KRT80: variants seen among roughly 807,000 people sequenced by gnomAD.
KRT80 encodes keratin 80.
In KRT80, 36 loss-of-function variants were observed where a neutral mutation model predicts 51.5. The ratio of observed to expected loss-of-function variants is 0.70; its 90% CI spans 0.54 to 0.92. KRT80 has a LOEUF of 0.92. Among genes scored for constraint, KRT80 ranks in the 40% least tolerant of loss-of-function variants. The probability of loss-of-function intolerance (pLI) is 0.00; values close to 1 mark genes in which losing one functional copy is unlikely to be tolerated. For missense variants in KRT80, 566 were observed against 591.7 expected, an observed-to-expected ratio of 0.96 and a Z score of 0.45; for synonymous variants, 235 against 248.3, an observed-to-expected ratio of 0.95 and a Z score of 0.50.
intron 1 of KRT80, among the ~76,000 whole-genome samples, chr12:52,188,405 C>T (rs1276494212): frequency 6.6e-6 from 1 of 152,188 alleles, no homozygotes; most frequent in Non-Finnish European, 1.5e-5. Context: ...TGGGGGAAAC[C>T]GAGCAGCCTA....
At chr12:52,178,682 G>T (rs181834371) in intron 4 of KRT80, among the ~76,000 whole-genome samples, 9 of 152,326 alleles carry the variant, frequency 5.9e-5, no homozygotes, top group Admixed American at 4.6e-4. Context: ...CTTGAGAGAA[G>T]GGACCTTGCC....
chr12:52,175,536 G>A (rs1014320527), intron 4 of KRT80, among the ~76,000 whole-genome samples: 18 of 152,054 alleles, frequency 1.2e-4, no homozygotes, highest in Admixed American at 1.3e-4. Context: ...AGCTGTAGAC[G>A]ACAGGGATGA....
Position 52,173,714 on chromosome 12 carries a change from G to C in KRT80, c.717C>G (p.Gly239=). 1.9e-6 allele frequency: 3 copies of C among 1,612,432 alleles called. No homozygotes were observed. Among genetic ancestry groups the C allele is most frequent in the Non-Finnish European group, 2.5e-6 (3 of 1,180,010 alleles). The change falls in exon 5 of 9, where the codon GGC becomes GGG. Residue 239 remains glycine (G), a synonymous_variant. Transcript: ENST00000394815. Reference sequence around the variant, plus strand: ...GGTCGATGTGGCAGCGGCTGTCCATGCCGACGGTCACCGACACATCCTTCA... The same window carrying C: ...GGTCGATGTGGCAGCGGCTGTCCATCCCGACGGTCACCGACACATCCTTCA... ...AQVKDVSVTV[G]MDSRCHIDLS...
intron 1 of KRT80, among the ~76,000 whole-genome samples, chr12:52,188,267 T>C (rs1213802432): frequency 6.6e-6 from 1 of 152,156 alleles, no homozygotes; most frequent in African/African-American, 2.4e-5. Context: ...TGCCTGGCCC[T>C]CTGCCCTTAG....
chr12:52,183,779 T>C (rs1028311127), intron 2 of KRT80, among the ~76,000 whole-genome samples: 3 of 152,068 alleles, frequency 2.0e-5, no homozygotes, highest in Non-Finnish European at 4.4e-5. Context: ...CTGGCTGGGG[T>C]TAGGGATGGG....
At position 52,169,382 on chromosome 12, in the gene KRT80, AC is replaced by A; in HGVS notation, c.*2015del. ...GGTGAGACAGGAGAACTTTGTGTGTACCAGCTGCACTGGTCTGAAGATATAA... is the reference window on the plus strand; with the variant it reads ...GGTGAGACAGGAGAACTTTGTGTGTACAGCTGCACTGGTCTGAAGATATAA... On this transcript the variant is annotated 3_prime_UTR_variant, in exon 9 of 9. Coordinates refer to ENST00000394815, the MANE Select transcript of KRT80 (RefSeq NM_182507.3). 1 of 152,398 alleles carries A rather than the reference AC, an allele frequency of 6.6e-6. No homozygotes were observed. The highest frequency in any genetic ancestry group is 1.9e-4 in the East Asian group (1 of 5,180). The allele number at this position is 152,398 out of a possible 1,614,324, so 9.4% of individuals were successfully genotyped here.
chr12:52,191,888 G>T lies in KRT80; in HGVS notation c.15C>A (p.Ser5=). Reference sequence around the variant, plus strand: ...TGAGGCTGCTGAAGCCAACCACGCAGGAGCGGCAGGCCATGGTGCCCCCGG... The same window carrying T: ...TGAGGCTGCTGAAGCCAACCACGCATGAGCGGCAGGCCATGGTGCCCCCGG... MACR[S]CVVGFSSLSS... is the part of the protein sequence containing the mutation. Residue 5 remains serine (S), a synonymous_variant, in exon 1 of 9, where the codon TCC becomes TCA. Coordinates refer to ENST00000394815, the MANE Select transcript of KRT80 (RefSeq NM_182507.3). The T allele has an allele frequency of 6.7e-7, 1 of 1,486,854 alleles. No homozygotes were observed. The highest frequency in any genetic ancestry group is 2.4e-5 in the East Asian group (1 of 41,078). The allele number at this position is 1,486,854 out of a possible 1,614,324, so 92.1% of individuals were successfully genotyped here.
At chr12:52,177,367 C>T (rs779370924) in intron 4 of KRT80, among the ~76,000 whole-genome samples, 1 of 152,154 alleles carries the variant, frequency 6.6e-6, no homozygotes, top group Admixed American at 6.5e-5. Flanking sequence ...CGAGGTGTGC[C>T]TGGCTGCAGG....
chr12:52,185,278 G>T (rs1218318675), intron 2 of KRT80, 101 bp downstream of exon 2: 4 of 1,163,322 alleles, frequency 3.4e-6, no homozygotes, highest in African/African-American at 1.5e-5. Flanking sequence ...AAATGTTGCA[G>T]AACATCTTTC....
rs541290615 is a variant in KRT80, at chr12:52,183,041, G to A, written c.510-2078C>T. Among the ~76,000 whole-genome samples the A allele has an allele frequency of 1.6e-4, 25 of 152,296 alleles. No individual in the cohort carries two copies. In the South Asian group the frequency reaches 1.9e-3, roughly 11 times the overall value. On this transcript the variant is annotated intron_variant, in intron 2 of 8. Transcript: ENST00000394815. ...GTTTGGATTTCAGTCCCTATCCACC[G>A]CCTGAATCATGCACACTTGTGCAGC...
intron 6 of KRT80, 131 bp from the exon 7 acceptor site, chr12:52,172,549 T>TGTGG (rs1176790251): frequency 9.0e-6 from 7 of 777,274 alleles, no homozygotes; most frequent in Non-Finnish European, 1.4e-5. Context: ...CATTTCTGGG[T>TGTGG]GTGGTAACTG....
intron 1 of KRT80, among the ~76,000 whole-genome samples, chr12:52,188,038 CCT>C (rs1278994184): frequency 6.6e-6 from 1 of 151,904 alleles, no homozygotes; most frequent in African/African-American, 2.4e-5. Flanking sequence ...GGGACAGCCC[CCT>C]GTTTTCTGCT....
At chr12:52,175,028 C>T (rs1463169863) in intron 4 of KRT80, among the ~76,000 whole-genome samples, 1 of 152,176 alleles carries the variant, frequency 6.6e-6, no homozygotes, top group African/African-American at 2.4e-5. Flanking sequence ...GCAGACACAT[C>T]ATGCTCCTTC....
At position 52,173,057 on chromosome 12, in the gene KRT80, A is replaced by T. The variant is rs1941142619; in HGVS notation, c.938T>A (p.Ile313Asn). The part of the protein sequence containing the change: ...NVRIQKLRSQ[I>N]LSVKSHCLKL... ...ACTCACATGGCTCTTGACAGAGAGG[A>T]TCTGGGACCGCAGCTTCTGGATGCG... is the stretch of plus-strand genomic sequence containing the variant. Residue 313 changes from isoleucine (I) to asparagine (N), a missense_variant, in exon 6 of 9, where the codon ATC becomes AAC. Ile to Asn is a moderately radical substitution (Grantham distance 149). Transcript: ENST00000394815. The T allele has an allele frequency of 1.9e-6, 3 of 1,612,028 alleles. 1 individual carries two copies. In the African/African-American group the frequency reaches 4.0e-5, roughly 22 times the overall value.
At chr12:52,181,356 A>G (rs1592362861) in intron 2 of KRT80, among the ~76,000 whole-genome samples, 1 of 152,070 alleles carries the variant, frequency 6.6e-6, no homozygotes, top group East Asian at 1.9e-4. Context: ...CGCTGGGAGC[A>G]TCTTGCTCAC....
In KRT80 at chr12:52,191,093, C is replaced by A. The variant is rs185829430; in HGVS notation, c.300+510G>T. On this transcript the variant is annotated intron_variant, in intron 1 of 8. Coordinates refer to ENST00000394815, the MANE Select transcript of KRT80 (RefSeq NM_182507.3). ...TCACTTGCAGCAGTCTGGGCAGCAA[C>A]CTCCTTCCAGCAGCCCCGCACTCAC... 1.7e-3 allele frequency among the ~76,000 whole-genome samples: 259 copies of A among 152,316 alleles called. 2 individuals are homozygous for A. Among genetic ancestry groups the A allele is most frequent in the Non-Finnish European group, 3.0e-3 (203 of 68,020 alleles).
At chr12:52,180,752 G>T (rs1941305767) in intron 3 of KRT80, 144 bp from the exon 4 acceptor site, 1 of 1,587,470 alleles carries the variant, frequency 6.3e-7, no homozygotes, top group Non-Finnish European at 8.6e-7. Context: ...GAGCTGGATG[G>T]GGATGGGGGT....
chr12:52,181,640 G>T (rs974264764), intron 2 of KRT80, among the ~76,000 whole-genome samples: 1 of 152,194 alleles, frequency 6.6e-6, no homozygotes. Flanking sequence ...GCTACAGGCC[G>T]CATAGGCCAT....
intron 3 of KRT80, 70 bp from the exon 4 acceptor site, chr12:52,180,678 G>T: frequency 6.3e-7 from 1 of 1,579,548 alleles, no homozygotes; most frequent in Non-Finnish European, 8.6e-7. Flanking sequence ...TGGGCTGGGG[G>T]GCTGCCTCCT....
Sources: gnomAD v4.1 joint callset for allele counts (sites outside exome capture counted in the v4.1 genomes callset) on GRCh38, gnomAD v4.1.1 for gene constraint, MANE v1.5 for transcripts, NCBI Gene and HGNC (gene_info 2026-07-23, HGNC 2026-07-21) for gene names.